Variants in KAZN observed in about 807,000 individuals in gnomAD.
KAZN encodes kazrin, periplakin interacting protein, also known as kazrin.
Under a neutral mutation model 87.4 loss-of-function variants are expected in KAZN, and 40 were observed. That is an observed-to-expected ratio of 0.46 (90% CI 0.36 to 0.60). The LOEUF (loss-of-function observed/expected upper bound fraction) is 0.60, where lower values mean the gene tolerates loss of function less well. Ranked by LOEUF, KAZN falls within the 20% of genes least tolerant of loss-of-function variation. The pLI, the probability that KAZN is intolerant of heterozygous loss-of-function variation, is 0.00. For missense variants in KAZN, 898 were observed against 1,073.9 expected, an observed-to-expected ratio of 0.84 and a Z score of 2.29; for synonymous variants, 466 against 458.3, an observed-to-expected ratio of 1.02 and a Z score of -0.22.
chr1:14,590,976 C>T (rs564005486), intron 2 of KAZN, among the ~76,000 whole-genome samples: 71 of 152,228 alleles, frequency 4.7e-4, no homozygotes, highest in Admixed American at 9.8e-4. Context: ...ACACCAAAGG[C>T]GGGATGAGAT....
At chr1:15,089,732 CAAAAAAA>C (rs56260619) in intron 8 of KAZN, among the ~76,000 whole-genome samples, 83 of 68,918 alleles carry the variant, frequency 1.2e-3, no homozygotes, top group East Asian at 4.3e-3. Flanking sequence ...CTTTTATTGG[CAAAAAAA>C]AAAAAAAAAA....
chr1:15,068,075 G>A, intron 8 of KAZN: 1 of 902,950 alleles, frequency 1.1e-6, no homozygotes, highest in Non-Finnish European at 1.3e-6. Flanking sequence ...CCTTTCCCGT[G>A]GGAAAGGTTT....
At position 14,643,568 on chromosome 1, in the gene KAZN, A is replaced by G. The variant is rs573172055; in HGVS notation, c.226+44345A>G. On this transcript the variant is annotated intron_variant, in intron 1 of 14. Coordinates refer to ENST00000376030, the MANE Select transcript of KAZN (RefSeq NM_201628.3). Reference sequence around the variant, plus strand: ...CACATTTTCTTTATCCAGTCTGTCAATGATGGGCATTTAGTTTGATTCCAT... The same window carrying G: ...CACATTTTCTTTATCCAGTCTGTCAGTGATGGGCATTTAGTTTGATTCCAT... 3.9e-5 allele frequency among the ~76,000 whole-genome samples: 6 copies of G among 152,334 alleles called. No homozygotes were observed. The South Asian group carries it at 8.3e-4, about 21-fold the overall frequency.
At chr1:14,144,063 C>T (rs1645295725) in intron 1 of KAZN, among the ~76,000 whole-genome samples, 1 of 152,130 alleles carries the variant, frequency 6.6e-6, no homozygotes, top group African/African-American at 2.4e-5. Context: ...CCAAACTCTC[C>T]TCTGTAGTTA....
intron 2 of KAZN, among the ~76,000 whole-genome samples, chr1:14,375,917 T>C (rs1449595981): frequency 3.3e-5 from 5 of 151,112 alleles, no homozygotes; most frequent in South Asian, 4.2e-4. Flanking sequence ...AGAAATTACA[T>C]GTGGAGAGGA....
At chr1:13,948,022 C>T (rs748526663) in intron 1 of KAZN, among the ~76,000 whole-genome samples, 3 of 152,142 alleles carry the variant, frequency 2.0e-5, no homozygotes, top group Non-Finnish European at 2.9e-5. Flanking sequence ...ACCAAGGGCC[C>T]ACTCAGATAA....
chr1:14,481,626 G>A (rs759877053), intron 2 of KAZN, among the ~76,000 whole-genome samples: 17 of 151,328 alleles, frequency 1.1e-4, no homozygotes, highest in Non-Finnish European at 1.2e-4. Context: ...AGGGCACTTC[G>A]TTTTTTAAAG....
At chr1:14,943,580 C>T (rs1661394479) in intron 1 of KAZN, among the ~76,000 whole-genome samples, 1 of 152,240 alleles carries the variant, frequency 6.6e-6, no homozygotes, top group African/African-American at 2.4e-5. Context: ...CAGCAATGTT[C>T]TTTTATGGTA....
chr1:14,095,030 T>A (rs1160119828), intron 1 of KAZN, among the ~76,000 whole-genome samples: 2 of 148,586 alleles, frequency 1.3e-5, no homozygotes, highest in Non-Finnish European at 2.9e-5. Flanking sequence ...CAAATAGTGT[T>A]TCCCAACAGG....
At chr1:15,018,887 T>G (rs1670385842) in intron 2 of KAZN, among the ~76,000 whole-genome samples, 1 of 152,114 alleles carries the variant, frequency 6.6e-6, no homozygotes, top group African/African-American at 2.4e-5. Context: ...ATTCTAAAGC[T>G]CATCTTCAGA....
chr1:15,065,845 G>A, intron 8 of KAZN, 92 bp downstream of exon 8: 1 of 1,573,236 alleles, frequency 6.4e-7, no homozygotes, highest in South Asian at 1.1e-5. Context: ...TGTGCGTGTG[G>A]GCGTGTGTGC....
intron 1 of KAZN, among the ~76,000 whole-genome samples, chr1:13,968,049 C>A (rs555767903): frequency 6.6e-6 from 1 of 152,308 alleles, no homozygotes; most frequent in East Asian, 1.9e-4. Context: ...CACCCCAGGG[C>A]GGTCATTTCT....
At chr1:14,819,064 AT>A (rs1176705949) in intron 1 of KAZN, among the ~76,000 whole-genome samples, 1 of 152,212 alleles carries the variant, frequency 6.6e-6, no homozygotes, top group Non-Finnish European at 1.5e-5. Flanking sequence ...TCAAAAAAAA[AT>A]TGAAGATACT....
chr1:14,987,707 G>C (rs1666963883), intron 2 of KAZN, among the ~76,000 whole-genome samples: 1 of 152,172 alleles, frequency 6.6e-6, no homozygotes, highest in South Asian at 2.1e-4. Context: ...ACTTTCATGC[G>C]GGGCTCTGCG....
intron 1 of KAZN, among the ~76,000 whole-genome samples, chr1:14,681,737 C>T (rs1340213703): frequency 3.5e-4 from 42 of 121,362 alleles, no homozygotes; most frequent in African/African-American, 1.1e-3. Flanking sequence ...AGTGCAGTGG[C>T]GCAATCTTGG....
intron 2 of KAZN, among the ~76,000 whole-genome samples, chr1:15,018,299 A>G (rs1296121896): frequency 6.6e-6 from 1 of 152,134 alleles, no homozygotes; most frequent in Non-Finnish European, 1.5e-5. Flanking sequence ...CGGTCTAAAT[A>G]TTTTATAGAG....
chr1:14,449,316 C>T (rs955123381), intron 2 of KAZN, among the ~76,000 whole-genome samples: 5 of 152,200 alleles, frequency 3.3e-5, no homozygotes, highest in Non-Finnish European at 7.3e-5. Flanking sequence ...GGATTCCTCT[C>T]CTTGTATCTG....
At chr1:14,967,971 G>A (rs112790802) in intron 2 of KAZN, among the ~76,000 whole-genome samples, 2,303 of 152,318 alleles carry the variant, frequency 0.015, 32 homozygotes, top group South Asian at 0.039. Flanking sequence ...ATGGAAGACA[G>A]TTTTTCCACG....
At chr1:14,485,879 C>T (rs188752703) in intron 2 of KAZN, among the ~76,000 whole-genome samples, 14 of 142,664 alleles carry the variant, frequency 9.8e-5, no homozygotes, top group Non-Finnish European at 1.5e-4. Flanking sequence ...GGCGACAGAG[C>T]GAGACTCCAT....
Sources: allele counts gnomAD v4.1 joint callset (sites outside exome capture counted in the v4.1 genomes callset), GRCh38; gene constraint gnomAD v4.1.1; transcripts MANE v1.5; gene names NCBI Gene and HGNC (gene_info 2026-07-23, HGNC 2026-07-21).